Variants in ATP2B2 observed in about 807,000 individuals in gnomAD.
The protein encoded by ATP2B2 is ATPase plasma membrane Ca2+ transporting 2.
Under a neutral mutation model 120.0 loss-of-function variants are expected in ATP2B2, and 15 were observed. That is an observed-to-expected ratio of 0.12 (90% CI 0.08 to 0.19). ATP2B2 has a LOEUF of 0.19. Among genes scored for constraint, ATP2B2 ranks in the 10% least tolerant of loss-of-function variants. ATP2B2 has a pLI of 1.00. For synonymous variants in ATP2B2, 694 were observed against 700.3 expected (o/e 0.99, Z 0.14); for missense variants, 1,045 against 1,719.8 (o/e 0.61, Z 6.94).
intron 1 of ATP2B2, among the ~76,000 whole-genome samples, chr3:10,686,043 CTTTTTTTTTTT>C (rs34073958): frequency 3.2e-5 from 3 of 93,224 alleles, no homozygotes; most frequent in Admixed American, 1.2e-4. Flanking sequence ...TTCCTCCTTT[CTTTTTTTTTTT>C]TTTTTTTTTT....
At chr3:10,383,897 A>G (rs1217176945) in intron 8 of ATP2B2, among the ~76,000 whole-genome samples, 10 of 152,256 alleles carry the variant, frequency 6.6e-5, no homozygotes, top group Admixed American at 3.3e-4. Context: ...TATGTTCACA[A>G]AGCTCAGCAG....
chr3:10,584,178 G>T (rs1339987587), intron 2 of ATP2B2, among the ~76,000 whole-genome samples: 1 of 152,168 alleles, frequency 6.6e-6, no homozygotes. Flanking sequence ...AGGGGGCAGA[G>T]GCAGGGGCTG....
At chr3:10,644,544 T>C (rs1358915847) in intron 1 of ATP2B2, among the ~76,000 whole-genome samples, 1 of 152,108 alleles carries the variant, frequency 6.6e-6, no homozygotes, top group Non-Finnish European at 1.5e-5. Context: ...ATAAACAAAA[T>C]GTGATGTGTA....
intron 2 of ATP2B2, among the ~76,000 whole-genome samples, chr3:10,608,782 T>C (rs908748326): frequency 1.3e-5 from 2 of 152,134 alleles, no homozygotes; most frequent in Non-Finnish European, 2.9e-5. Context: ...ACACCTCACA[T>C]GGTACTACAG....
intron 2 of ATP2B2, among the ~76,000 whole-genome samples, chr3:10,549,790 G>A (rs907572082): frequency 2.6e-5 from 4 of 152,158 alleles, no homozygotes; most frequent in Admixed American, 6.5e-5. Flanking sequence ...CCTGCAGGGA[G>A]CTCTCGGAGT....
chr3:10,387,677 G>A (rs532474511), intron 6 of ATP2B2, among the ~76,000 whole-genome samples: 3 of 152,290 alleles, frequency 2.0e-5, no homozygotes, highest in Admixed American at 1.3e-4. Flanking sequence ...TGGTCAGCTC[G>A]CTGCATTGAG....
rs759396800 is a variant in ATP2B2 at position 10,328,820 on chromosome 3, C to T, written c.3726G>A (p.Ser1242=). 7.5e-6 allele frequency: 12 copies of T among 1,607,038 alleles called. 1 individual carries two copies. In the Admixed American group the frequency reaches 1.2e-4, roughly 16 times the overall value. ...CAGGCGAGAGGGTCCTCAGCTAAAG[C>T]GACGTCTCCAGGCTGTGGATGGGGC... is the stretch of plus-strand genomic sequence containing the variant. ...PGSPIHSLET[S]L The change falls in exon 23 of 23, where the codon TCG becomes TCA. Residue 1242 remains serine, a synonymous_variant. Coordinates refer to ENST00000360273, the MANE Select transcript of ATP2B2 (RefSeq NM_001001331.4).
At chr3:10,530,825 A>G (rs1167621256) in intron 3 of ATP2B2, among the ~76,000 whole-genome samples, 2 of 152,180 alleles carry the variant, frequency 1.3e-5, no homozygotes, top group Admixed American at 1.3e-4. Flanking sequence ...GTTGATTACA[A>G]CTGCCTAATA....
intron 1 of ATP2B2, among the ~76,000 whole-genome samples, chr3:10,627,481 C>G (rs2069736795): frequency 6.6e-6 from 1 of 152,090 alleles, no homozygotes; most frequent in African/African-American, 2.4e-5. Flanking sequence ...CTGGGTTAGC[C>G]AGTCCTGGGT....
intron 1 of ATP2B2, among the ~76,000 whole-genome samples, chr3:10,662,841 C>A (rs1479481250): frequency 6.6e-6 from 1 of 151,934 alleles, no homozygotes; most frequent in African/African-American, 2.4e-5. Flanking sequence ...TGGATCCAAC[C>A]CAAATGTCCA....
At chr3:10,474,151 G>A (rs1292462866) in intron 1 of ATP2B2, among the ~76,000 whole-genome samples, 1 of 152,090 alleles carries the variant, frequency 6.6e-6, no homozygotes, top group Non-Finnish European at 1.5e-5. Flanking sequence ...CCAGTAGGCT[G>A]ATAACCTGAG....
intron 12 of ATP2B2, among the ~76,000 whole-genome samples, chr3:10,368,426 C>CT (rs1447313956): frequency 1.3e-5 from 2 of 152,234 alleles, no homozygotes; most frequent in African/African-American, 4.8e-5. Flanking sequence ...AATTCATAGT[C>CT]ACCCATCCAC....
At position 10,328,850 on chromosome 3, in the gene ATP2B2, T is replaced by C; in HGVS notation, c.3696A>G (p.Pro1232=). ...TCTCCAGGCTGTGGATGGGGCTCCCTGGACTTGAAGAGGTAGCTGATTTGC... is the reference window on the plus strand; with the variant it reads ...TCTCCAGGCTGTGGATGGGGCTCCCCGGACTTGAAGAGGTAGCTGATTTGC... ...DTSKSATSSS[P]GSPIHSLETS... The change falls in exon 23 of 23, where the codon CCA becomes CCG. Residue 1232 remains proline, a synonymous_variant. Transcript: ENST00000360273. 1 of 1,613,084 alleles carries C rather than the reference T, an allele frequency of 6.2e-7. No individual in the cohort carries two copies. Among genetic ancestry groups the C allele is most frequent in the Non-Finnish European group, 8.5e-7 (1 of 1,179,220 alleles).
intron 1 of ATP2B2, among the ~76,000 whole-genome samples, chr3:10,455,620 A>C (rs1405819907): frequency 6.6e-6 from 1 of 152,210 alleles, no homozygotes; most frequent in Admixed American, 6.5e-5. Context: ...TCATGGTTGC[A>C]ATGAGGTTCA....
chr3:10,438,684 A>G (rs1374975215), intron 2 of ATP2B2, among the ~76,000 whole-genome samples: 4 of 152,208 alleles, frequency 2.6e-5, no homozygotes, highest in East Asian at 1.9e-4. Context: ...GCCTGTATAA[A>G]TAACTTACCC....
At chr3:10,420,602 T>C (rs935707093) in intron 2 of ATP2B2, among the ~76,000 whole-genome samples, 1 of 152,234 alleles carries the variant, frequency 6.6e-6, no homozygotes, top group African/African-American at 2.4e-5. Context: ...CCTCAGGTGA[T>C]CCACCCGCCT....
rs80293610 is a variant in ATP2B2, at chr3:10,639,424, G to C, written c.-459-19463C>G. Reference sequence around the variant, plus strand: ...TGCCAGCAGATTTGGAGTCTGGAGAGGGCCTCAGACACTGCCTTCTCACTG... The same window carrying C: ...TGCCAGCAGATTTGGAGTCTGGAGACGGCCTCAGACACTGCCTTCTCACTG... On this transcript the variant is annotated intron_variant, in intron 1 of 21. Coordinates refer to the ATP2B2 transcript ENST00000646379. Among the ~76,000 whole-genome samples, 542 of 152,298 alleles carry C rather than the reference G, an allele frequency of 3.6e-3. 8 individuals are homozygous for C. The East Asian group carries it at 0.04, about 11-fold the overall frequency.
chr3:10,660,811 C>A (rs2070759090), intron 1 of ATP2B2, among the ~76,000 whole-genome samples: 1 of 152,166 alleles, frequency 6.6e-6, no homozygotes, highest in South Asian at 2.1e-4. Flanking sequence ...GAATTTTAGA[C>A]CAATATCCCT....
At chr3:10,690,185 C>T (rs376629024) in intron 1 of ATP2B2, among the ~76,000 whole-genome samples, 2 of 152,222 alleles carry the variant, frequency 1.3e-5, no homozygotes, top group East Asian at 1.9e-4. Flanking sequence ...CTTTGTTCTC[C>T]GTCCAGGCTT....
Sources: gnomAD v4.1 joint callset for allele counts (sites outside exome capture counted in the v4.1 genomes callset) on GRCh38, gnomAD v4.1.1 for gene constraint, MANE v1.5 for transcripts, NCBI Gene and HGNC (gene_info 2026-07-23, HGNC 2026-07-21) for gene names.